SUPT5H: variants seen among roughly 807,000 people sequenced by gnomAD.
The protein encoded by SUPT5H is transcription elongation factor SPT5.
A neutral mutation model predicts 142.5 loss-of-function variants in SUPT5H; 24 were observed. The ratio of observed to expected loss-of-function variants is 0.17; its 90% CI spans 0.12 to 0.24. The LOEUF (loss-of-function observed/expected upper bound fraction) is 0.24, where lower values mean the gene tolerates loss of function less well. SUPT5H is among the 10% of genes least tolerant of loss of function. SUPT5H has a pLI of 1.00. For missense variants in SUPT5H, 893 were observed against 1,471.8 expected, an observed-to-expected ratio of 0.61 and a Z score of 6.43; for synonymous variants, 546 against 553.0, an observed-to-expected ratio of 0.99 and a Z score of 0.18.
At chr19:39,452,194 A>G (rs1346735520) in intron 2 of SUPT5H, among the ~76,000 whole-genome samples, 2 of 152,208 alleles carry the variant, frequency 1.3e-5, no homozygotes, top group Admixed American at 1.3e-4. Flanking sequence ...TTTGGGACAC[A>G]GTGAGTATGA....
intron 2 of SUPT5H, among the ~76,000 whole-genome samples, chr19:39,448,713 C>G (rs904846007): frequency 6.6e-6 from 1 of 152,086 alleles, no homozygotes; most frequent in African/African-American, 2.4e-5. Context: ...TGTGGCTAGA[C>G]AGGTAGGGAT....
At position 39,470,954 on chromosome 19, in the gene SUPT5H, C is replaced by T. The variant is rs978723196; in HGVS notation, c.1678-403C>T. ...TGTCTGACCCTGGGCTAGTGACTCA[C>T]CCTCTCTGAGCCTGAGTTTCCCTCT... On this transcript the variant is annotated intron_variant, in intron 18 of 29. Coordinates refer to ENST00000432763, the MANE Select transcript of SUPT5H (RefSeq NM_001111020.3). The surrounding 1 kb of genome is among the most constrained non-coding windows in gnomAD (Gnocchi z 5.8). Among the ~76,000 whole-genome samples the T allele has an allele frequency of 1.3e-5, 2 of 152,116 alleles. No homozygotes were observed. The highest frequency in any genetic ancestry group is 4.8e-5 in the African/African-American group (2 of 41,420).
chr19:39,462,880 C>T (rs951508744), intron 10 of SUPT5H, among the ~76,000 whole-genome samples: 2 of 134,194 alleles, frequency 1.5e-5, no homozygotes, highest in African/African-American at 5.9e-5. Flanking sequence ...CGCACCGTTG[C>T]CCAGGCTGGA....
chr19:39,474,451 T>C lies in SUPT5H; in HGVS notation c.2820+49T>C. ...GAAGGGTGGTGGGCTAGGGTGACTTTGGGCATATAGGGTCGGCCAGGCCAG... is the reference window on the plus strand; with the variant it reads ...GAAGGGTGGTGGGCTAGGGTGACTTCGGGCATATAGGGTCGGCCAGGCCAG... On this transcript the variant is annotated intron_variant, in intron 27 of 29. Transcript: ENST00000432763. The surrounding 1 kb of genome is among the most constrained non-coding windows in gnomAD (Gnocchi z 6.5). 1.2e-6 allele frequency: 2 copies of C among 1,610,132 alleles called. No individual in the cohort carries two copies. The highest frequency in any genetic ancestry group is 1.7e-5 in the Admixed American group (1 of 59,870).
Position 39,473,872 on chromosome 19 carries a change from C to T in SUPT5H, c.2493-91C>T. The T allele has an allele frequency of 3.9e-6, 6 of 1,554,720 alleles. No individual in the cohort carries two copies. The highest frequency in any genetic ancestry group is 2.2e-5 in the East Asian group (1 of 44,564). On this transcript the variant is annotated intron_variant, in intron 25 of 29. Coordinates refer to ENST00000432763, the MANE Select transcript of SUPT5H (RefSeq NM_001111020.3). The surrounding 1 kb of genome is among the most constrained non-coding windows in gnomAD (Gnocchi z 5.8). The stretch of plus-strand genomic sequence containing the variant: ...TGGGGCTCCCGTGAGAATGAAATTG[C>T]TTCAGTTGGGGGTCTGGTGTAGGGT...
chr19:39,476,545 C>G lies in SUPT5H; in HGVS notation c.*146C>G. The G allele has an allele frequency of 9.1e-7, 1 of 1,096,358 alleles. No individual in the cohort carries two copies. The highest frequency in any genetic ancestry group is 1.3e-6 in the Non-Finnish European group (1 of 781,130). The allele number at this position is 1,096,358 out of a possible 1,614,324, so 67.9% of individuals were successfully genotyped here. A position where few individuals can be genotyped will look rare whatever the true frequency, so the allele number is the denominator to read the frequency against. On this transcript the variant is annotated 3_prime_UTR_variant, in exon 30 of 30. Transcript: ENST00000432763. ...TTTTCCTTTTAGTTTTCCATCTTTT[C>G]CCTCCCTGGTGCTCATTGGAATCTG...
chr19:39,465,260 G>A (rs371115134), intron 11 of SUPT5H, among the ~76,000 whole-genome samples: 140 of 152,340 alleles, frequency 9.2e-4, no homozygotes, highest in African/African-American at 3.1e-3. Flanking sequence ...CTGAAGGATC[G>A]GAGGGCGTGA....
In SUPT5H at chr19:39,474,834, G is replaced by A; in HGVS notation, c.3024+116G>A. On this transcript the variant is annotated intron_variant, in intron 28 of 29. Transcript: ENST00000432763. This position sits in a 1 kb window ranked among gnomAD's most constrained non-coding sequence, Gnocchi z 6.5. ...CCAGAGTGGGCAGAGCTGGGATTGA[G>A]GAAGCCTAGAGGGCAAGGGGAGCTA... 1.6e-6 allele frequency: 2 copies of A among 1,224,164 alleles called. No homozygotes were observed. The highest frequency in any genetic ancestry group is 1.4e-5 in the South Asian group (1 of 69,192). 75.8% of individuals were successfully genotyped at this position (1,224,164 alleles called of 1,614,324 possible). A position where few individuals can be genotyped will look rare whatever the true frequency, so the allele number is the denominator to read the frequency against.
chr19:39,452,418 G>C (rs959678504), intron 2 of SUPT5H, among the ~76,000 whole-genome samples: 4 of 152,198 alleles, frequency 2.6e-5, no homozygotes, highest in Non-Finnish European at 4.4e-5. Context: ...ATTGATGTCA[G>C]ATTTGAAGGG....
intron 2 of SUPT5H, among the ~76,000 whole-genome samples, chr19:39,446,864 C>CT (rs2078960652): frequency 6.6e-6 from 1 of 152,158 alleles, no homozygotes; most frequent in African/African-American, 2.4e-5. Flanking sequence ...AAAAAATTAG[C>CT]TTGGCATGGT....
chr19:39,450,013 C>T (rs771429043), intron 2 of SUPT5H, among the ~76,000 whole-genome samples: 3 of 150,052 alleles, frequency 2.0e-5, no homozygotes, highest in Non-Finnish European at 4.4e-5. Context: ...TCTCGACTCA[C>T]TGCAGCCTCA....
intron 8 of SUPT5H, 137 bp from the exon 9 acceptor site, chr19:39,459,422 G>C: frequency 7.4e-7 from 1 of 1,351,852 alleles, no homozygotes; most frequent in Non-Finnish European, 1.0e-6. Context: ...TTGCTCCTGG[G>C]TAGAAGCGTG....
intron 28 of SUPT5H, chr19:39,475,225 CAAAAAAAAAAA>C (rs57886387): frequency 2.5e-5 from 2 of 81,002 alleles, no homozygotes; most frequent in Non-Finnish European, 2.3e-5. Context: ...ACTAAAAATA[CAAAAAAAAAAA>C]AAAAAAAAAA....
intron 2 of SUPT5H, among the ~76,000 whole-genome samples, chr19:39,451,742 G>T (rs1432068177): frequency 6.6e-6 from 1 of 152,138 alleles, no homozygotes; most frequent in South Asian, 2.1e-4. Flanking sequence ...ACATTGGCTA[G>T]GCGGGTCTTG....
intron 11 of SUPT5H, among the ~76,000 whole-genome samples, chr19:39,465,281 G>A (rs1355750862): frequency 1.3e-5 from 2 of 152,248 alleles, no homozygotes; most frequent in African/African-American, 4.8e-5. Context: ...GGCATGTGGA[G>A]CTCTTGGGGA....
chr19:39,445,672 C>T (rs1275160776), intron 1 of SUPT5H, 35 bp downstream of exon 1: 1 of 582,330 alleles, frequency 1.7e-6, no homozygotes, highest in Non-Finnish European at 3.1e-6. Flanking sequence ...GTTCCGGGCG[C>T]CGGGGAGGTG....
intron 13 of SUPT5H, chr19:39,468,342 C>T (rs1224373416): frequency 9.8e-5 from 21 of 215,090 alleles, no homozygotes; most frequent in Non-Finnish European, 1.2e-4. Flanking sequence ...CCAGGCTGAG[C>T]GCTCTGCGAA....
chr19:39,468,615 G>A, intron 13 of SUPT5H, 141 bp from the exon 14 acceptor site: 1 of 689,422 alleles, frequency 1.5e-6, no homozygotes, highest in East Asian at 2.7e-5. Flanking sequence ...AGTCACTGCT[G>A]CCAAGAGGGT....
Position 39,473,818 on chromosome 19 carries a change from A to G in SUPT5H, c.2493-145A>G. ...TGTCAACCACAGTGTCAGCTGTGGA[A>G]GGGAAATAACATCAGGAGTGCCTCT... On this transcript the variant is annotated intron_variant, in intron 25 of 29. Coordinates refer to ENST00000432763, the MANE Select transcript of SUPT5H (RefSeq NM_001111020.3). This position sits in a 1 kb window ranked among gnomAD's most constrained non-coding sequence, Gnocchi z 5.8. 1 of 1,167,894 alleles carries G rather than the reference A, an allele frequency of 8.6e-7. No homozygotes were observed. Among genetic ancestry groups the G allele is most frequent in the East Asian group, 2.3e-5 (1 of 42,758 alleles). The allele number at this position is 1,167,894 out of a possible 1,614,324, so 72.3% of individuals were successfully genotyped here. A position where few individuals can be genotyped will look rare whatever the true frequency, so the allele number is the denominator to read the frequency against.
Sources: gnomAD v4.1 joint callset for allele counts (sites outside exome capture counted in the v4.1 genomes callset) on GRCh38, gnomAD v4.1.1 for gene constraint, Gnocchi (gnomAD v3.1) non-coding constraint, MANE v1.5 for transcripts, NCBI Gene and HGNC (gene_info 2026-07-23, HGNC 2026-07-21) for gene names.